Variants in RGL1 observed in about 807,000 individuals in gnomAD.
RGL1 encodes the protein ral guanine nucleotide dissociation stimulator like 1.
In RGL1, 24 loss-of-function variants were observed where a neutral mutation model predicts 95.2. The observed-to-expected ratio is 0.25, with a 90% CI of 0.18 to 0.35. The LOEUF (loss-of-function observed/expected upper bound fraction) is 0.35. Ranked by LOEUF, RGL1 falls within the 10% of genes least tolerant of loss-of-function variation. The pLI, the probability that RGL1 is intolerant of heterozygous loss-of-function variation, is 1.00. For synonymous variants in RGL1, 329 were observed against 344.9 expected (o/e 0.95, Z 0.51); for missense variants, 715 against 936.3 (o/e 0.76, Z 3.08).
intron 2 of RGL1, among the ~76,000 whole-genome samples, chr1:183,835,716 A>G (rs904872369): frequency 2.6e-5 from 4 of 152,240 alleles, no homozygotes; most frequent in African/African-American, 9.6e-5. Flanking sequence ...AGATGTAATC[A>G]GACTTAACTT....
chr1:183,806,428 C>A lies in RGL1; in HGVS notation c.81C>A (p.Val27=). ...TAGAGGAAGGAGCTGTTTACCATGT[C>A]ACCCTCAAAAGAGTCCAGATTCAAC... ...EEVEEGAVYH[V]TLKRVQIQQA... Residue 27 remains valine, a synonymous_variant, in exon 2 of 18, where the codon GTC becomes GTA. Coordinates refer to ENST00000360851, the MANE Select transcript of RGL1 (RefSeq NM_001297671.3). The A allele has an allele frequency of 6.2e-7, 1 of 1,614,074 alleles. No homozygotes were observed. The highest frequency in any genetic ancestry group is 1.1e-5 in the South Asian group (1 of 91,070).
intron 2 of RGL1, among the ~76,000 whole-genome samples, chr1:183,826,960 T>C (rs973704128): frequency 6.6e-6 from 1 of 152,202 alleles, no homozygotes. Flanking sequence ...TGTCACTCTG[T>C]TGCCCAGGCT....
intron 8 of RGL1, 38 bp from the exon 9 acceptor site, chr1:183,892,039 C>A (rs770893837): frequency 3.2e-5 from 48 of 1,522,440 alleles, no homozygotes; most frequent in Non-Finnish European, 4.4e-5. Flanking sequence ...TTATTCCTAA[C>A]TCTTCATTGT....
chr1:183,658,390 C>T (rs530685342), intron 1 of RGL1, among the ~76,000 whole-genome samples: 145 of 152,338 alleles, frequency 9.5e-4, no homozygotes, highest in Non-Finnish European at 1.3e-3. Flanking sequence ...TAAAAAACGG[C>T]GCACCAGGAG....
intron 1 of RGL1, among the ~76,000 whole-genome samples, chr1:183,723,925 G>A (rs1656165231): frequency 6.6e-6 from 1 of 152,022 alleles, no homozygotes; most frequent in Non-Finnish European, 1.5e-5. Context: ...GAAAGGAGAG[G>A]GAAGAGTAAA....
intron 2 of RGL1, among the ~76,000 whole-genome samples, chr1:183,819,377 TTAA>T (rs1470094695): frequency 6.6e-6 from 1 of 152,220 alleles, no homozygotes; most frequent in Non-Finnish European, 1.5e-5. Context: ...AAAAGGAGAC[TTAA>T]TAAGTGACAT....
At chr1:183,798,639 G>A (rs1160657979) in intron 2 of RGL1, among the ~76,000 whole-genome samples, 1 of 152,038 alleles carries the variant, frequency 6.6e-6, no homozygotes, top group Non-Finnish European at 1.5e-5. Flanking sequence ...TTATAGACCT[G>A]TAGTAGATCC....
chr1:183,714,704 A>G (rs1655505095), intron 1 of RGL1, among the ~76,000 whole-genome samples: 1 of 152,234 alleles, frequency 6.6e-6, no homozygotes, highest in South Asian at 2.1e-4. Flanking sequence ...GCCACAGGGA[A>G]CAAGTGTCTT....
rs113186608 is a variant in RGL1, at chr1:183,905,307, C to T, written c.1472+336C>T. On this transcript the variant is annotated intron_variant, in intron 13 of 17. Coordinates refer to ENST00000360851, the MANE Select transcript of RGL1 (RefSeq NM_001297671.3). ...GCTTTGTTAGAATGCTTGTCCTCAG[C>T]GTTGTCACCACCACCACTGTCACTG... is the stretch of plus-strand genomic sequence containing the variant. 2.3e-3 allele frequency among the ~76,000 whole-genome samples: 356 copies of T among 152,280 alleles called. 1 individual carries two copies. The highest frequency in any genetic ancestry group is 4.2e-3 in the Non-Finnish European group (289 of 68,028).
chr1:183,716,739 C>T (rs1488883651), intron 1 of RGL1, among the ~76,000 whole-genome samples: 1 of 152,248 alleles, frequency 6.6e-6, no homozygotes, highest in African/African-American at 2.4e-5. Context: ...TATTAACTGG[C>T]TGGTGATCTT....
chr1:183,647,639 T>A (rs745666735), intron 1 of RGL1: 30 of 1,539,220 alleles, frequency 1.9e-5, no homozygotes, highest in Non-Finnish European at 2.4e-5. Context: ...ATCTAATAAG[T>A]CCCTTGGTAA....
At chr1:183,867,005 G>A (rs1480185481) in intron 4 of RGL1, among the ~76,000 whole-genome samples, 1 of 152,274 alleles carries the variant, frequency 6.6e-6, no homozygotes, top group African/African-American at 2.4e-5. Flanking sequence ...CCAGGGTTGC[G>A]GTTTGAGCAG....
chr1:183,823,167 G>A (rs1464526115), intron 2 of RGL1, among the ~76,000 whole-genome samples: 1 of 152,030 alleles, frequency 6.6e-6, no homozygotes, highest in Non-Finnish European at 1.5e-5. Context: ...AATATTGGCA[G>A]CTTCATACAG....
rs1400018057 is a variant in RGL1 at position 183,927,196 on chromosome 1, G to C, written c.*904G>C. 2.6e-5 allele frequency: 4 copies of C among 152,540 alleles called. No individual in the cohort carries two copies. In the South Asian group the frequency reaches 6.2e-4, roughly 24 times the overall value. The allele number at this position is 152,540 out of a possible 1,614,324, so 9.4% of individuals were successfully genotyped here. ...ACTCATTTGGACTCTTATCTGTCTT[G>C]GAATGTCACTGCTTCATTGCCTTCT... On this transcript the variant is annotated 3_prime_UTR_variant, in exon 18 of 18. Coordinates refer to ENST00000360851, the MANE Select transcript of RGL1 (RefSeq NM_001297671.3).
intron 3 of RGL1, among the ~76,000 whole-genome samples, chr1:183,849,121 G>A (rs113773039): frequency 6.6e-6 from 1 of 151,922 alleles, no homozygotes; most frequent in Non-Finnish European, 1.5e-5. Flanking sequence ...ATCTTGTCCT[G>A]TTGTCCAGAC....
intron 1 of RGL1, among the ~76,000 whole-genome samples, chr1:183,671,938 CTT>C (rs545807956): frequency 1.5e-5 from 2 of 137,884 alleles, no homozygotes; most frequent in African/African-American, 2.7e-5. Context: ...TTTTTTTTTT[CTT>C]TTTTTTTTTT....
At chr1:183,901,562 T>C (rs544601320) in intron 11 of RGL1, among the ~76,000 whole-genome samples, 50 of 152,242 alleles carry the variant, frequency 3.3e-4, no homozygotes, top group South Asian at 1.7e-3. Flanking sequence ...TAGGACTACT[T>C]GGTGGGGTAG....
intron 1 of RGL1, among the ~76,000 whole-genome samples, chr1:183,642,622 A>G (rs1436667297): frequency 1.3e-5 from 2 of 152,232 alleles, no homozygotes; most frequent in Non-Finnish European, 2.9e-5. Flanking sequence ...TTTTTAAAGG[A>G]TATTTGTTTT....
intron 1 of RGL1, among the ~76,000 whole-genome samples, chr1:183,668,816 C>T (rs1305086100): frequency 1.3e-5 from 2 of 151,984 alleles, no homozygotes; most frequent in Non-Finnish European, 2.9e-5. Context: ...TCTTTTTCCT[C>T]TCCTGGGATT....
Sources: allele counts gnomAD v4.1 joint callset (sites outside exome capture counted in the v4.1 genomes callset), GRCh38; gene constraint gnomAD v4.1.1; transcripts MANE v1.5; gene names NCBI Gene and HGNC (gene_info 2026-07-23, HGNC 2026-07-21).